Variants in PRRC2B observed in about 807,000 individuals in gnomAD.
PRRC2B encodes the protein proline rich coiled-coil 2B.
A neutral mutation model predicts 242.3 loss-of-function variants in PRRC2B; 68 were observed. The ratio of observed to expected loss-of-function variants is 0.28; its 90% CI spans 0.23 to 0.34. The LOEUF (loss-of-function observed/expected upper bound fraction) is 0.34. PRRC2B is among the 10% of genes least tolerant of loss of function. The pLI is 1.00. For missense variants in PRRC2B, 2,835 were observed against 2,954.8 expected (o/e 0.96, Z 0.94); for synonymous variants, 1,228 against 1,173.6 (o/e 1.05, Z -0.95).
At chr9:131,480,053 G>A (rs1354980888) in intron 19 of PRRC2B, among the ~76,000 whole-genome samples, 2 of 152,168 alleles carry the variant, frequency 1.3e-5, no homozygotes, top group Non-Finnish European at 2.9e-5. Context: ...CCCAGAGCAT[G>A]CATAGATGAA....
intron 1 of PRRC2B, among the ~76,000 whole-genome samples, chr9:131,384,757 G>A (rs562310224): frequency 6.7e-6 from 1 of 149,638 alleles, no homozygotes; most frequent in South Asian, 2.1e-4. Flanking sequence ...GTTTCACCAT[G>A]CTGATCAGGC....
In PRRC2B at chr9:131,499,942, A is replaced by G. The variant is rs1944422266; in HGVS notation, c.*4068A>G. The G allele has an allele frequency of 6.6e-6, 1 of 151,950 alleles. No individual in the cohort carries two copies. The highest frequency in any genetic ancestry group is 6.6e-5 in the Admixed American group (1 of 15,254). The allele number at this position is 151,950 out of a possible 1,614,324, so 9.4% of individuals were successfully genotyped here. On this transcript the variant is annotated 3_prime_UTR_variant, in exon 32 of 32. Transcript: ENST00000683519. ...TTTGGCCTTTCCTCTTTGTCTTTCC[A>G]TGTAGACCAGATATTTGAAAGGGCA... is the stretch of plus-strand genomic sequence containing the variant.
intron 6 of PRRC2B, among the ~76,000 whole-genome samples, chr9:131,445,095 G>A (rs1240357615): frequency 8.5e-5 from 13 of 152,086 alleles, no homozygotes; most frequent in Non-Finnish European, 1.8e-4. Context: ...TGATCACTGT[G>A]GATGTGTCTT....
chr9:131,432,747 G>A lies in PRRC2B; in HGVS notation c.246G>A (p.Lys82=). 1 of 1,614,046 alleles carries A rather than the reference G, an allele frequency of 6.2e-7. No homozygotes were observed. Among genetic ancestry groups the A allele is most frequent in the Non-Finnish European group, 8.5e-7 (1 of 1,179,902 alleles). The part of the protein sequence containing the change: ...GNDPNIVIVP[K]DGTGWANKQD... ...ACCCCAACATCGTGATAGTACCCAA[G>A]GACGGGACGGGATGGGCAAACAAGC... Residue 82 remains lysine (K), a synonymous_variant, in exon 3 of 32, where the codon AAG becomes AAA. Coordinates refer to ENST00000683519, the MANE Select transcript of PRRC2B (RefSeq NM_013318.4).
chr9:131,433,408 G>A (rs904065579), intron 3 of PRRC2B, among the ~76,000 whole-genome samples: 16 of 152,332 alleles, frequency 1.1e-4, no homozygotes, highest in Non-Finnish European at 2.4e-4. Context: ...GCAGAGGGTG[G>A]CATGGTGCTG....
chr9:131,416,912 T>A (rs1037866356), intron 1 of PRRC2B, among the ~76,000 whole-genome samples: 2 of 152,202 alleles, frequency 1.3e-5, no homozygotes. Context: ...TATCTTCTCT[T>A]GATTTTATGA....
At chr9:131,483,197 GC>G (rs1425056610) in intron 22 of PRRC2B, among the ~76,000 whole-genome samples, 161 bp from the exon 23 acceptor site, 2 of 152,202 alleles carry the variant, frequency 1.3e-5, no homozygotes, top group Non-Finnish European at 1.5e-5. Context: ...TGTCTCCTGT[GC>G]CGTGGGGAAA....
Position 131,406,884 on chromosome 9 carries a change from G to GT in PRRC2B, c.-52+12624dup, listed in dbSNP as rs1299140532. 3.9e-5 allele frequency among the ~76,000 whole-genome samples: 6 copies of GT among 152,318 alleles called. No individual in the cohort carries two copies. In the East Asian group the frequency reaches 1.2e-3, roughly 29 times the overall value. Reference sequence around the variant, plus strand: ...TGAAAGTCATTCCTTCTTCCCTGCTGTTTCTTTATAATATCAAGAGAGGAC... The same window carrying GT: ...TGAAAGTCATTCCTTCTTCCCTGCTGTTTTCTTTATAATATCAAGAGAGGAC... On this transcript the variant is annotated intron_variant, in intron 1 of 31. Coordinates refer to ENST00000683519, the MANE Select transcript of PRRC2B (RefSeq NM_013318.4).
rs774361267 is a variant in PRRC2B at position 131,495,802 on chromosome 9, G to A, written c.6618G>A (p.Ser2206=). 9.9e-6 allele frequency: 16 copies of A among 1,612,916 alleles called. 1 individual carries two copies. Among genetic ancestry groups the A allele is most frequent in the African/African-American group, 4.0e-5 (3 of 74,920 alleles). ...CCGTGAAGCTGCAGGAGGCCCCCTC[G>A]GCTGCCTCCCAGATGAAGCGAACCG... ...LGAVKLQEAP[S]AASQMKRTGA... The change falls in exon 32 of 32, where the codon TCG becomes TCA. Residue 2206 remains serine (S), a synonymous_variant. Coordinates refer to ENST00000683519, the MANE Select transcript of PRRC2B (RefSeq NM_013318.4).
intron 1 of PRRC2B, among the ~76,000 whole-genome samples, chr9:131,402,877 G>A (rs1443469762): frequency 6.6e-6 from 1 of 152,220 alleles, no homozygotes; most frequent in Non-Finnish European, 1.5e-5. Flanking sequence ...TGAACATTAT[G>A]CAAGCATTCT....
In PRRC2B at chr9:131,477,886, T is replaced by C. The variant is rs369510635; in HGVS notation, c.4549T>C (p.Leu1517=). Residue 1517 remains leucine, a synonymous_variant, in exon 17 of 32, where the codon TTG becomes CTG. Coordinates refer to ENST00000683519, the MANE Select transcript of PRRC2B (RefSeq NM_013318.4). ...TAAAAAGGCAGAGAAGGAGGCCAAG[T>C]TGGCTGCTCCGAGGGCAGGTGAACA... ...SSKKAEKEAK[L]AAPRAGEQGE... is the part of the protein sequence containing the mutation. The C allele has an allele frequency of 3.1e-6, 5 of 1,613,866 alleles. No individual in the cohort carries two copies. The highest frequency in any genetic ancestry group is 4.2e-6 in the Non-Finnish European group (5 of 1,179,886).
rs1944280835 is a variant in PRRC2B, at chr9:131,494,600, T to A, written c.6555+114T>A. The A allele has an allele frequency of 1.6e-6, 1 of 623,722 alleles. No homozygotes were observed. Among genetic ancestry groups the A allele is most frequent in the South Asian group, 2.0e-5 (1 of 50,422 alleles). The allele number at this position is 623,722 out of a possible 1,614,324, so 38.6% of individuals were successfully genotyped here. On this transcript the variant is annotated intron_variant, in intron 31 of 31. Coordinates refer to ENST00000683519, the MANE Select transcript of PRRC2B (RefSeq NM_013318.4). This position sits in a 1 kb window ranked among gnomAD's most constrained non-coding sequence, Gnocchi z 4.3. ...AGCGCCCCCTGTCTAAAGACAGCCA[T>A]GCCCTAGCGGTTAGAGCACAGAACC...
intron 1 of PRRC2B, among the ~76,000 whole-genome samples, chr9:131,387,104 C>A (rs1028382094): frequency 6.7e-6 from 1 of 150,050 alleles, no homozygotes; most frequent in Non-Finnish European, 1.5e-5. Flanking sequence ...CGGGTTCAAG[C>A]GATTCTTCTG....
chr9:131,473,533 G>A lies in PRRC2B; in HGVS notation c.2133G>A (p.Gln711=), dbSNP rs1288302012. The change falls in exon 15 of 32, where the codon CAG becomes CAA. Residue 711 remains glutamine, a synonymous_variant. Transcript: ENST00000683519. Reference sequence around the variant, plus strand: ...GACTGATGAAGCCCATGATGCCCCAGGAGTCCCTCAATGGGACAGGCTGTC... The same window carrying A: ...GACTGATGAAGCCCATGATGCCCCAAGAGTCCCTCAATGGGACAGGCTGTC... ...PSGLMKPMMP[Q]ESLNGTGCRS... 1 of 1,605,446 alleles carries A rather than the reference G, an allele frequency of 6.2e-7. No homozygotes were observed. Among genetic ancestry groups the A allele is most frequent in the Non-Finnish European group, 8.5e-7 (1 of 1,176,062 alleles).
chr9:131,418,591 C>G (rs1445707042), intron 1 of PRRC2B, among the ~76,000 whole-genome samples: 1 of 152,104 alleles, frequency 6.6e-6, no homozygotes, highest in Non-Finnish European at 1.5e-5. Flanking sequence ...TCTTTTGTGC[C>G]CAGATTCCAG....
At chr9:131,427,343 G>A in intron 1 of PRRC2B, among the ~76,000 whole-genome samples, 1 of 151,416 alleles carries the variant, frequency 6.6e-6, no homozygotes, top group East Asian at 1.9e-4. Context: ...GTGTGTGTGT[G>A]TTTTTTTGAT....
rs561188380 is a variant in PRRC2B, at chr9:131,492,401, T to A, written c.6473+141T>A. ...ATGGGCCATGTGTCACTGTGGTGTT[T>A]CAGCACTGGGATGCACTTGTGTTCC... On this transcript the variant is annotated intron_variant, in intron 30 of 31. Transcript: ENST00000683519. 2.6e-5 allele frequency: 17 copies of A among 643,870 alleles called. No homozygotes were observed. The African/African-American group carries it at 2.7e-4, about 10-fold the overall frequency. 39.9% of individuals were successfully genotyped at this position (643,870 alleles called of 1,614,324 possible).
intron 16 of PRRC2B, among the ~76,000 whole-genome samples, chr9:131,477,374 C>T (rs745545017): frequency 1.8e-4 from 27 of 152,238 alleles, no homozygotes; most frequent in Non-Finnish European, 3.7e-4. Flanking sequence ...CCCTTGGCTT[C>T]ACCTCAGTTT....
intron 1 of PRRC2B, among the ~76,000 whole-genome samples, chr9:131,410,528 G>GT: frequency 6.6e-6 from 1 of 152,298 alleles, no homozygotes; most frequent in Admixed American, 6.5e-5. Context: ...CACTGCCCAA[G>GT]TAAGTCTGGA....
Sources: gnomAD v4.1 joint callset for allele counts (sites outside exome capture counted in the v4.1 genomes callset) on GRCh38, gnomAD v4.1.1 for gene constraint, Gnocchi (gnomAD v3.1) non-coding constraint, MANE v1.5 for transcripts, NCBI Gene and HGNC (gene_info 2026-07-23, HGNC 2026-07-21) for gene names.